The following IPO13 variants were observed in gnomAD, a reference collection of about 807,000 sequenced individuals.
IPO13 encodes the protein importin 13.
IPO13 carries 28 observed loss-of-function variants against 115.5 expected under a neutral mutation model. The observed-to-expected ratio is 0.24, with a 90% CI of 0.18 to 0.33. IPO13 has a LOEUF of 0.33. Among genes scored for constraint, IPO13 ranks in the 10% least tolerant of loss-of-function variants. The pLI is 1.00. For synonymous variants in IPO13, 414 were observed against 478.9 expected (o/e 0.86, Z 1.77); for missense variants, 785 against 1,204.6 (o/e 0.65, Z 5.16).
chr1:43,955,076 C>T (rs960107015), intron 2 of IPO13, among the ~76,000 whole-genome samples: 4 of 152,188 alleles, frequency 2.6e-5, no homozygotes, highest in African/African-American at 9.7e-5. Flanking sequence ...CTTTATTCTT[C>T]TCCTTCCTCA....
At chr1:43,962,429 A>G (rs1421099985) in intron 14 of IPO13, among the ~76,000 whole-genome samples, 1 of 152,142 alleles carries the variant, frequency 6.6e-6, no homozygotes, top group African/African-American at 2.4e-5. Flanking sequence ...ATCTTCATAA[A>G]AACACAAATC....
intron 2 of IPO13, among the ~76,000 whole-genome samples, chr1:43,955,617 C>T (rs1308183490): frequency 1.3e-5 from 2 of 152,158 alleles, no homozygotes; most frequent in Non-Finnish European, 2.9e-5. Flanking sequence ...CTGTATGTCT[C>T]TGTCTTCACA....
In IPO13 at chr1:43,966,619, T is replaced by C; in HGVS notation, c.2442T>C (p.Asp814=). Residue 814 remains aspartate (D), a synonymous_variant, in exon 16 of 20, where the codon GAT becomes GAC. Transcript: ENST00000372343. This position sits in a 1 kb window ranked among gnomAD's most constrained non-coding sequence, Gnocchi z 4.1. ...KPDLFLCERL[D]VKAVFQCAVL... ...ATTTGTTCCTGTGTGAACGATTGGATGTCAAAGCTGTGTTCCAGTGTGGTA... is the reference window on the plus strand; with the variant it reads ...ATTTGTTCCTGTGTGAACGATTGGACGTCAAAGCTGTGTTCCAGTGTGGTA... 6.2e-7 allele frequency: 1 copy of C among 1,614,158 alleles called. No homozygotes were observed. The highest frequency in any genetic ancestry group is 1.1e-5 in the South Asian group (1 of 91,086).
chr1:43,947,576 C>G lies in IPO13; in HGVS notation c.-25C>G. 7.9e-7 allele frequency: 1 copy of G among 1,263,842 alleles called. No homozygotes were observed. Among genetic ancestry groups the G allele is most frequent in the Non-Finnish European group, 1.0e-6 (1 of 986,310 alleles). 78.3% of individuals were successfully genotyped at this position (1,263,842 alleles called of 1,614,324 possible). ...GGGGCAGGAGACAGATCAGGGCCCA[C>G]CTCCCTGCCAGGGAGGGAGCAAAGA... On this transcript the variant is annotated 5_prime_UTR_variant, in exon 1 of 20. Coordinates refer to ENST00000372343, the MANE Select transcript of IPO13 (RefSeq NM_014652.4).
rs773500894 is a variant in IPO13, at chr1:43,947,585, C to T, written c.-16C>T. 1 of 1,294,396 alleles carries T rather than the reference C, an allele frequency of 7.7e-7. No individual in the cohort carries two copies. Among genetic ancestry groups the T allele is most frequent in the Non-Finnish European group, 9.9e-7 (1 of 1,010,126 alleles). 80.2% of individuals were successfully genotyped at this position (1,294,396 alleles called of 1,614,324 possible). ...GACAGATCAGGGCCCACCTCCCTGC[C>T]AGGGAGGGAGCAAAGATGGAGCGGC... On this transcript the variant is annotated 5_prime_UTR_variant, in exon 1 of 20. Transcript: ENST00000372343.
intron 2 of IPO13, among the ~76,000 whole-genome samples, chr1:43,953,040 A>G (rs767371928): frequency 1.1e-4 from 16 of 152,230 alleles, no homozygotes; most frequent in Admixed American, 1.0e-3. Flanking sequence ...GATACACCCA[A>G]GTTTACCCGC....
In IPO13 at chr1:43,957,250, C is replaced by T. The variant is rs1421471929; in HGVS notation, c.1327C>T (p.Leu443Phe). 7.4e-6 allele frequency: 12 copies of T among 1,614,124 alleles called. No homozygotes were observed. The highest frequency in any genetic ancestry group is 8.5e-6 in the Non-Finnish European group (10 of 1,180,010). Reference protein sequence around the residue: ...YVYEMLGAELLSNLYDKLGRL... With the variant: ...YVYEMLGAELFSNLYDKLGRL... ...CTATGAGATGTTGGGGGCCGAGCTG[C>T]TCAGCAACCTCTATGACAAGCTGGG... The change falls in exon 6 of 20, where the codon CTC becomes TTC. Residue 443 changes from leucine (L) to phenylalanine (F), a missense_variant. Physicochemically the swap from Leu to Phe is conservative, Grantham distance 22. This residue lies in a region of IPO13 where 175 missense variants were observed against 360.0 expected (regional missense o/e 0.49). Transcript: ENST00000372343.
rs145933013 is a variant in IPO13 at position 43,961,009 on chromosome 1, G to A, written c.2243G>A (p.Arg748Gln). Residue 748 changes from arginine (R) to glutamine (Q), a missense_variant, in exon 13 of 20, where the codon CGA (arginine) becomes CAA (glutamine). Coordinates refer to ENST00000372343, the MANE Select transcript of IPO13 (RefSeq NM_014652.4). ...IPQASALDLTRQLVHIFAHEP... is the reference protein window; with the variant it reads ...IPQASALDLTQQLVHIFAHEP... ...CAGGCCTCTGCTCTTGACCTCACTCGACAGGTGGGCCTTCTGGTTGGGGCA... is the reference window on the plus strand; with the variant it reads ...CAGGCCTCTGCTCTTGACCTCACTCAACAGGTGGGCCTTCTGGTTGGGGCA... 3.5e-5 allele frequency: 56 copies of A among 1,614,016 alleles called. No individual in the cohort carries two copies. The highest frequency in any genetic ancestry group is 1.6e-4 in the Middle Eastern group (1 of 6,084).
chr1:43,949,031 A>G (rs1045560807), intron 1 of IPO13, among the ~76,000 whole-genome samples: 2 of 152,196 alleles, frequency 1.3e-5, no homozygotes, highest in African/African-American at 4.8e-5. Flanking sequence ...GGGAGGGTCA[A>G]GTCCCCTCAA....
rs2154301981 is a variant in IPO13 at position 43,947,480 on chromosome 1, GC to G, written c.-114del. ...GCCTCGGCAGCCATGCCCGCCCTGGGCCCCCCCTCACCCCACCACTCCCTGG... is the reference window on the plus strand; with the variant it reads ...GCCTCGGCAGCCATGCCCGCCCTGGGCCCCCCTCACCCCACCACTCCCTGG... On this transcript the variant is annotated 5_prime_UTR_variant, in exon 1 of 20. It removes the in-frame stop codon of an upstream open reading frame in the 5' UTR. Coordinates refer to ENST00000372343, the MANE Select transcript of IPO13 (RefSeq NM_014652.4). 4.8e-5 allele frequency: 25 copies of G among 516,518 alleles called. No homozygotes were observed. The highest frequency in any genetic ancestry group is 1.8e-4 in the South Asian group (2 of 11,346). 32.0% of individuals were successfully genotyped at this position (516,518 alleles called of 1,614,324 possible).
At position 43,966,431 on chromosome 1, in the gene IPO13, C is replaced by T. The variant is rs1314861396; in HGVS notation, c.2398-144C>T. ...TGACCTACTGAACTCTGAGGTGGTC[C>T]GGGTCCCCCAGAGATGGCTGGGTAG... On this transcript the variant is annotated intron_variant, in intron 15 of 19. Coordinates refer to ENST00000372343, the MANE Select transcript of IPO13 (RefSeq NM_014652.4). The surrounding 1 kb of genome is among the most constrained non-coding windows in gnomAD (Gnocchi z 4.1). 16 of 766,910 alleles carry T rather than the reference C, an allele frequency of 2.1e-5. No individual in the cohort carries two copies. The highest frequency in any genetic ancestry group is 2.6e-5 in the East Asian group (1 of 37,836). The allele number at this position is 766,910 out of a possible 1,614,324, so 47.5% of individuals were successfully genotyped here.
At chr1:43,961,896 C>T (rs912352603) in intron 14 of IPO13, among the ~76,000 whole-genome samples, 13 of 152,326 alleles carry the variant, frequency 8.5e-5, no homozygotes, top group Admixed American at 3.9e-4. Flanking sequence ...GGTCCTAGCC[C>T]TCTACTCACT....
At position 43,956,805 on chromosome 1, in the gene IPO13, C is replaced by G. The variant is rs1312223688; in HGVS notation, c.1105-5C>G. The stretch of plus-strand genomic sequence containing the variant: ...GTGGCTAATTCTCTTCCCTGGCTCT[C>G]TCAGGATGATATTCTATCCTTTGAG... On this transcript the variant is annotated splice_polypyrimidine_tract_variant and splice_region_variant and intron_variant, in intron 4 of 19. Coordinates refer to ENST00000372343, the MANE Select transcript of IPO13 (RefSeq NM_014652.4). This position sits in a 1 kb window ranked among gnomAD's most constrained non-coding sequence, Gnocchi z 4.7. The G allele has an allele frequency of 1.2e-6, 2 of 1,613,992 alleles. No individual in the cohort carries two copies. The highest frequency in any genetic ancestry group is 2.7e-5 in the African/African-American group (2 of 74,946).
At chr1:43,954,311 C>A (rs978822806) in intron 2 of IPO13, among the ~76,000 whole-genome samples, 3 of 152,184 alleles carry the variant, frequency 2.0e-5, no homozygotes. Context: ...CTGGGGCTGT[C>A]TCTGGGCTGG....
chr1:43,958,978 C>A lies in IPO13; in HGVS notation c.2028+89C>A. The A allele has an allele frequency of 1.5e-6, 2 of 1,293,544 alleles. No individual in the cohort carries two copies. Among genetic ancestry groups the A allele is most frequent in the Non-Finnish European group, 1.1e-6 (1 of 910,308 alleles). The allele number at this position is 1,293,544 out of a possible 1,614,324, so 80.1% of individuals were successfully genotyped here. On this transcript the variant is annotated intron_variant, in intron 11 of 19. Coordinates refer to ENST00000372343, the MANE Select transcript of IPO13 (RefSeq NM_014652.4). The surrounding 1 kb of genome is among the most constrained non-coding windows in gnomAD (Gnocchi z 6.3). ...GGAATGTCATTGTCACTCTTCAATT[C>A]TGTGGGTAATGTTGTCATTGTTCTC... is the stretch of plus-strand genomic sequence containing the variant.
Position 43,956,432 on chromosome 1 carries a change from G to T in IPO13, c.934G>T (p.Ala312Ser). The change falls in exon 3 of 20, where the codon GCT (alanine) becomes TCT (serine). Residue 312 changes from alanine to serine, a missense_variant. By Grantham distance (99) the Ala-to-Ser change is moderately conservative. Transcript: ENST00000372343. The surrounding 1 kb of genome is among the most constrained non-coding windows in gnomAD (Gnocchi z 4.7). Reference protein sequence around the residue: ...METSHGICRIAVALGENHSRA... With the variant: ...METSHGICRISVALGENHSRA... Reference sequence around the variant, plus strand: ...GACCTCCCATGGCATCTGTCGCATCGCTGTGGCCCTGGGCGAGAACCACTC... The same window carrying T: ...GACCTCCCATGGCATCTGTCGCATCTCTGTGGCCCTGGGCGAGAACCACTC... 1 of 1,614,190 alleles carries T rather than the reference G, an allele frequency of 6.2e-7. No individual in the cohort carries two copies. The highest frequency in any genetic ancestry group is 8.5e-7 in the Non-Finnish European group (1 of 1,180,038).
chr1:43,956,773 T>C lies in IPO13; in HGVS notation c.1105-37T>C, dbSNP rs2085252485. On this transcript the variant is annotated intron_variant, in intron 4 of 19. Coordinates refer to ENST00000372343, the MANE Select transcript of IPO13 (RefSeq NM_014652.4). The surrounding 1 kb of genome is among the most constrained non-coding windows in gnomAD (Gnocchi z 4.7). ...GTGGATCATGGGCTTCTATGACTGC[T>C]GGTGAGGTGGCTAATTCTCTTCCCT... 2 of 1,613,644 alleles carry C rather than the reference T, an allele frequency of 1.2e-6. No individual in the cohort carries two copies. Among genetic ancestry groups the C allele is most frequent in the South Asian group, 1.1e-5 (1 of 91,044 alleles).
In IPO13 at chr1:43,966,931, C is replaced by T; in HGVS notation, c.2525C>T (p.Thr842Ile). The change falls in exon 18 of 20, where the codon ACA becomes ATA. Residue 842 changes from threonine (T) to isoleucine (I), a missense_variant and splice_region_variant. Physicochemically the swap from Thr to Ile is moderately conservative, Grantham distance 89. Around this residue, in one of 3 missense-constraint regions of IPO13, gnomAD observed 285 missense variants for 394.8 expected, o/e 0.72. Coordinates refer to ENST00000372343, the MANE Select transcript of IPO13 (RefSeq NM_014652.4). The surrounding 1 kb of genome is among the most constrained non-coding windows in gnomAD (Gnocchi z 4.1). The part of the protein sequence containing the change: ...PTVKASCGFF[T>I]ELLPRCGEVE... ...GATGGGCCTCTCCATCCTCTGCAGA[C>T]AGAGCTGCTGCCTCGGTGTGGGGAA... 6.2e-7 allele frequency: 1 copy of T among 1,613,816 alleles called. No individual in the cohort carries two copies. Among genetic ancestry groups the T allele is most frequent in the Non-Finnish European group, 8.5e-7 (1 of 1,180,006 alleles).
chr1:43,967,772 T>G lies in IPO13; in HGVS notation c.*90T>G. The G allele has an allele frequency of 8.2e-7, 1 of 1,221,086 alleles. No homozygotes were observed. Among genetic ancestry groups the G allele is most frequent in the Non-Finnish European group, 1.2e-6 (1 of 842,974 alleles). 75.6% of individuals were successfully genotyped at this position (1,221,086 alleles called of 1,614,324 possible). ...ACCCTCACTGCTGTCTCTGCCTCCT[T>G]TCTGCTGTCACCACCACCTAACTGA... On this transcript the variant is annotated 3_prime_UTR_variant, in exon 20 of 20. Transcript: ENST00000372343. The surrounding 1 kb of genome is among the most constrained non-coding windows in gnomAD (Gnocchi z 6.1).
Sources: allele counts gnomAD v4.1 joint callset (sites outside exome capture counted in the v4.1 genomes callset), GRCh38; gene constraint gnomAD v4.1.1; regional missense constraint gnomAD v4.1.1; non-coding constraint Gnocchi (gnomAD v3.1); transcripts MANE v1.5; gene names NCBI Gene and HGNC (gene_info 2026-07-23, HGNC 2026-07-21).